The following ARHGAP26 variants were observed in gnomAD, a reference collection of about 807,000 sequenced individuals.
ARHGAP26 encodes the protein Rho GTPase activating protein 26.
ARHGAP26 carries 38 observed loss-of-function variants against 104.8 expected under a neutral mutation model. The ratio of observed to expected loss-of-function variants is 0.36; its 90% CI spans 0.28 to 0.48. ARHGAP26 has a LOEUF of 0.48. Ranked by LOEUF, ARHGAP26 falls within the 20% of genes least tolerant of loss-of-function variation. ARHGAP26 has a pLI of 0.99. For missense variants in ARHGAP26, 704 were observed against 947.9 expected (o/e 0.74, Z 3.38); for synonymous variants, 341 against 340.0 (o/e 1.00, Z -0.03).
chr5:143,222,246 TACACACACACACAC>T (rs66463225), intron 22 of ARHGAP26, 98 bp from the exon 23 acceptor site: 20,207 of 450,828 alleles, frequency 0.045, 17 homozygotes, highest in East Asian at 0.12. Context: ...GCTTCCTTCA[TACACACACACACAC>T]ACACACACAC....
At chr5:143,032,810 GA>G (rs973981950) in intron 12 of ARHGAP26, among the ~76,000 whole-genome samples, 1 of 152,156 alleles carries the variant, frequency 6.6e-6, no homozygotes, top group Non-Finnish European at 1.5e-5. Flanking sequence ...GATGAGAGTG[GA>G]AATCAAGCTC....
chr5:142,812,912 A>G lies in ARHGAP26; in HGVS notation c.154+41997A>G, dbSNP rs118045963. Among the ~76,000 whole-genome samples, 822 of 149,836 alleles carry G rather than the reference A, an allele frequency of 5.5e-3. 17 individuals are homozygous for G. In the East Asian group the frequency reaches 0.063, roughly 12 times the overall value. On this transcript the variant is annotated intron_variant, in intron 1 of 22. Transcript: ENST00000645722. ...GAGGGCTTGACTGCATGTTAATTCTATATAATTTCTTTTTCTTTTTTTTTC... is the reference window on the plus strand; with the variant it reads ...GAGGGCTTGACTGCATGTTAATTCTGTATAATTTCTTTTTCTTTTTTTTTC...
chr5:143,099,620 T>A (rs1211892982), intron 17 of ARHGAP26, among the ~76,000 whole-genome samples: 2 of 152,256 alleles, frequency 1.3e-5, no homozygotes, highest in Admixed American at 6.5e-5. Flanking sequence ...ATACCTCTTG[T>A]ATACTCACTC....
Position 142,803,348 on chromosome 5 carries a change from C to A in ARHGAP26, c.154+32433C>A, listed in dbSNP as rs545878711. On this transcript the variant is annotated intron_variant, in intron 1 of 22. Coordinates refer to ENST00000645722, the MANE Select transcript of ARHGAP26 (RefSeq NM_001135608.3). The stretch of plus-strand genomic sequence containing the variant: ...AAGTCTGGCACCTCTAATTTTGTCT[C>A]ATTGTTTCCCCATTTGGAATCTTTT... Among the ~76,000 whole-genome samples the A allele has an allele frequency of 4.6e-5, 7 of 152,260 alleles. No individual in the cohort carries two copies. In the South Asian group the frequency reaches 1.2e-3, roughly 27 times the overall value.
At chr5:142,914,310 G>A (rs980625953) in intron 10 of ARHGAP26, among the ~76,000 whole-genome samples, 1 of 152,230 alleles carries the variant, frequency 6.6e-6, no homozygotes, top group Admixed American at 6.5e-5. Flanking sequence ...TCAGAAATTC[G>A]TGGAAACTAA....
At chr5:142,854,287 A>G (rs1333104649) in intron 1 of ARHGAP26, among the ~76,000 whole-genome samples, 1 of 152,196 alleles carries the variant, frequency 6.6e-6, no homozygotes, top group Non-Finnish European at 1.5e-5. Context: ...CTCATAAGGA[A>G]GGTAATGGGA....
At chr5:143,122,178 T>C (rs190156337) in intron 18 of ARHGAP26, among the ~76,000 whole-genome samples, 83 of 152,316 alleles carry the variant, frequency 5.4e-4, no homozygotes, top group African/African-American at 1.9e-3. Context: ...AATTATCCAG[T>C]GGCTTCCCAT....
intron 1 of ARHGAP26, among the ~76,000 whole-genome samples, chr5:142,792,360 A>C (rs1032228667): frequency 2.0e-5 from 3 of 152,222 alleles, no homozygotes; most frequent in African/African-American, 7.2e-5. Context: ...AAATTTAAGC[A>C]GAAGAGACTG....
intron 17 of ARHGAP26, among the ~76,000 whole-genome samples, chr5:143,110,530 C>T (rs1794652732): frequency 6.6e-6 from 1 of 152,128 alleles, no homozygotes; most frequent in South Asian, 2.1e-4. Flanking sequence ...ACAACAGGAA[C>T]CGGCATTTGC....
rs983842711 is a variant in ARHGAP26, at chr5:142,938,924, T to C, written c.1107+6799T>C. ...TTCGACAGCCACAAGTTTTGAAGGT[T>C]GGCAGATGCTAGAATTAGGTGGAAT... On this transcript the variant is annotated intron_variant, in intron 11 of 22. Transcript: ENST00000645722. Among the ~76,000 whole-genome samples, 3 of 152,352 alleles carry C rather than the reference T, an allele frequency of 2.0e-5. No homozygotes were observed. In the East Asian group the frequency reaches 5.8e-4, roughly 29 times the overall value.
At chr5:142,784,725 C>A (rs528705949) in intron 1 of ARHGAP26, among the ~76,000 whole-genome samples, 19 of 152,202 alleles carry the variant, frequency 1.2e-4, no homozygotes, top group African/African-American at 4.6e-4. Context: ...TTTTGAGATA[C>A]AATTCACACG....
chr5:142,792,132 C>T (rs577608193), intron 1 of ARHGAP26, among the ~76,000 whole-genome samples: 7 of 152,076 alleles, frequency 4.6e-5, no homozygotes, highest in Non-Finnish European at 1.0e-4. Context: ...TTGCTGACAG[C>T]GTTTCTGTGT....
intron 20 of ARHGAP26, among the ~76,000 whole-genome samples, chr5:143,175,793 T>C (rs1803393382): frequency 6.6e-6 from 1 of 152,224 alleles, no homozygotes; most frequent in African/African-American, 2.4e-5. Context: ...ACTTTTTCCC[T>C]TAATTTTTAA....
chr5:142,775,017 A>G (rs1756010264), intron 1 of ARHGAP26, among the ~76,000 whole-genome samples: 1 of 152,140 alleles, frequency 6.6e-6, no homozygotes, highest in South Asian at 2.1e-4. Flanking sequence ...AGTTTTATCA[A>G]TTATGAATAG....
At chr5:142,967,505 G>C (rs1466322754) in intron 11 of ARHGAP26, among the ~76,000 whole-genome samples, 1 of 152,148 alleles carries the variant, frequency 6.6e-6, no homozygotes, top group Admixed American at 6.5e-5. Context: ...TAAGAGGCCG[G>C]GTGCGGTGGC....
chr5:143,177,508 T>C (rs964132766), intron 20 of ARHGAP26, among the ~76,000 whole-genome samples: 3 of 152,172 alleles, frequency 2.0e-5, no homozygotes, highest in African/African-American at 7.2e-5. Context: ...GACACGTACA[T>C]GTATTTGATA....
intron 11 of ARHGAP26, among the ~76,000 whole-genome samples, chr5:142,992,849 G>C: frequency 6.6e-6 from 1 of 152,252 alleles, no homozygotes. Flanking sequence ...TGCCTCGCCT[G>C]ATGCGGACTG....
intron 11 of ARHGAP26, among the ~76,000 whole-genome samples, chr5:142,956,810 C>T (rs896446973): frequency 6.6e-6 from 1 of 152,146 alleles, no homozygotes; most frequent in East Asian, 1.9e-4. Context: ...GTGAAAGGCA[C>T]TTCTTACATG....
chr5:142,986,392 T>C (rs1259185258), intron 11 of ARHGAP26, among the ~76,000 whole-genome samples: 1 of 152,246 alleles, frequency 6.6e-6, no homozygotes, highest in East Asian at 1.9e-4. Flanking sequence ...AAGTTCTTTG[T>C]AGATTCTGGA....
Sources: gnomAD v4.1 joint callset for allele counts (sites outside exome capture counted in the v4.1 genomes callset) on GRCh38, gnomAD v4.1.1 for gene constraint, MANE v1.5 for transcripts, NCBI Gene and HGNC (gene_info 2026-07-23, HGNC 2026-07-21) for gene names.